Variants in PTPRM observed in about 807,000 individuals in gnomAD.
PTPRM encodes the protein receptor-type tyrosine-protein phosphatase mu.
In PTPRM, 47 loss-of-function variants were observed where a neutral mutation model predicts 186.7. The ratio of observed to expected loss-of-function variants is 0.25; its 90% CI spans 0.20 to 0.32. The LOEUF (loss-of-function observed/expected upper bound fraction) is 0.32. Among genes scored for constraint, PTPRM ranks in the 10% least tolerant of loss-of-function variants. The pLI is 1.00. For synonymous variants in PTPRM, 668 were observed against 674.9 expected (o/e 0.99, Z 0.16); for missense variants, 1,494 against 1,865.0 (o/e 0.80, Z 3.66).
chr18:7,795,541 T>A (rs1221276633), intron 2 of PTPRM, among the ~76,000 whole-genome samples: 1 of 152,010 alleles, frequency 6.6e-6, no homozygotes, highest in Admixed American at 6.5e-5. Context: ...CTCTTTGTTA[T>A]GTCTTTGTTT....
intron 19 of PTPRM, among the ~76,000 whole-genome samples, chr18:8,286,875 T>C (rs2094962428): frequency 6.6e-6 from 1 of 152,088 alleles, no homozygotes; most frequent in Non-Finnish European, 1.5e-5. Flanking sequence ...TGCTGATGGG[T>C]TTTATAAATT....
chr18:7,605,573 G>A lies in PTPRM; in HGVS notation c.73+37682G>A, dbSNP rs796460727. Among the ~76,000 whole-genome samples the A allele has an allele frequency of 5.9e-5, 9 of 152,272 alleles. No homozygotes were observed. In the East Asian group the frequency reaches 9.7e-4, roughly 16 times the overall value. ...GAGCTCGTCTTTTTAAGCTCTTGTC[G>A]TGAATCGAACCAAATCTCTTTGGTT... On this transcript the variant is annotated intron_variant, in intron 1 of 32. Transcript: ENST00000580170.
intron 1 of PTPRM, among the ~76,000 whole-genome samples, chr18:7,592,765 C>T (rs1598477398): frequency 6.6e-6 from 1 of 152,186 alleles, no homozygotes; most frequent in East Asian, 1.9e-4. Context: ...GAAAGAGCAA[C>T]ATTCCCAGGG....
chr18:7,630,076 G>A (rs1053419900), intron 1 of PTPRM, among the ~76,000 whole-genome samples: 2 of 152,102 alleles, frequency 1.3e-5, no homozygotes, highest in Non-Finnish European at 2.9e-5. Flanking sequence ...TGTTTTGAAC[G>A]AATGGAAATT....
chr18:8,268,547 G>A (rs1260621094), intron 19 of PTPRM, among the ~76,000 whole-genome samples: 1 of 152,104 alleles, frequency 6.6e-6, no homozygotes, highest in East Asian at 1.9e-4. Flanking sequence ...CAAAAAAGTT[G>A]AAGATGAGAA....
chr18:8,394,747 T>G, intron 32 of PTPRM, 136 bp downstream of exon 32: 1 of 961,256 alleles, frequency 1.0e-6, no homozygotes, highest in Non-Finnish European at 1.4e-6. Flanking sequence ...TCACTTTGCT[T>G]GTAGGGCTTT....
At chr18:8,036,531 A>G (rs1277777832) in intron 7 of PTPRM, among the ~76,000 whole-genome samples, 2 of 152,210 alleles carry the variant, frequency 1.3e-5, no homozygotes, top group African/African-American at 2.4e-5. Context: ...TGGTAAATTG[A>G]TAGTACTTTG....
At chr18:8,350,985 T>C (rs1194096872) in intron 23 of PTPRM, among the ~76,000 whole-genome samples, 1 of 152,220 alleles carries the variant, frequency 6.6e-6, no homozygotes, top group African/African-American at 2.4e-5. Context: ...GTGTGGTTAT[T>C]GTGACTGAGA....
intron 20 of PTPRM, among the ~76,000 whole-genome samples, chr18:8,307,787 A>C (rs1418652725): frequency 6.6e-6 from 1 of 151,428 alleles, no homozygotes; most frequent in East Asian, 1.9e-4. Flanking sequence ...CTGGGCAACA[A>C]GAGTGAAACT....
At chr18:7,950,918 G>A (rs2147073793) in intron 6 of PTPRM, among the ~76,000 whole-genome samples, 1 of 152,348 alleles carries the variant, frequency 6.6e-6, no homozygotes, top group South Asian at 2.1e-4. Flanking sequence ...CATATGCTCT[G>A]TTGTGAGATC....
At chr18:8,064,404 G>T (rs2088889432) in intron 7 of PTPRM, among the ~76,000 whole-genome samples, 1 of 151,150 alleles carries the variant, frequency 6.6e-6, no homozygotes, top group African/African-American at 2.4e-5. Context: ...TCTTAAACGA[G>T]TACTGTTTTT....
intron 1 of PTPRM, among the ~76,000 whole-genome samples, chr18:7,698,760 G>A (rs182266520): frequency 1.1e-4 from 16 of 152,220 alleles, no homozygotes; most frequent in African/African-American, 3.9e-4. Flanking sequence ...ACTAACACTT[G>A]GTCTGTCATT....
chr18:7,860,828 A>G (rs1168791035), intron 2 of PTPRM, among the ~76,000 whole-genome samples: 1 of 151,918 alleles, frequency 6.6e-6, no homozygotes, highest in Non-Finnish European at 1.5e-5. Context: ...CCCACTCCCT[A>G]CTCTGTCTCA....
Position 7,906,553 on chromosome 18 carries a change from G to A in PTPRM, c.517G>A (p.Asp173Asn), listed in dbSNP as rs781449581. The A allele has an allele frequency of 3.1e-6, 5 of 1,613,538 alleles. No homozygotes were observed. Among genetic ancestry groups the A allele is most frequent in the Middle Eastern group, 3.3e-4 (2 of 6,058 alleles). ...TSGHQGYLAIDEVKVLGHPCT... is the reference protein window; with the variant it reads ...TSGHQGYLAINEVKVLGHPCT... ...TGGACATCAAGGCTATCTCGCTATC[G>A]ATGAGGTGAAGGTGTTAGGACATCC... is the stretch of plus-strand genomic sequence containing the variant. The change falls in exon 4 of 33, where the codon GAT becomes AAT. Residue 173 changes from aspartate to asparagine, a missense_variant. This residue lies in a region of PTPRM where 296 missense variants were observed against 345.5 expected (regional missense o/e 0.86). Coordinates refer to ENST00000580170, the MANE Select transcript of PTPRM (RefSeq NM_001105244.2).
chr18:7,588,599 A>G (rs1220129447), intron 1 of PTPRM, among the ~76,000 whole-genome samples: 1 of 152,210 alleles, frequency 6.6e-6, no homozygotes, highest in African/African-American at 2.4e-5. Context: ...GGTTGTTTGA[A>G]GATTCTTTTC....
In PTPRM at chr18:7,585,635, C is replaced by A. The variant is rs7241726; in HGVS notation, c.73+17744C>A. Among the ~76,000 whole-genome samples the A allele has an allele frequency of 3.7e-3, 566 of 152,014 alleles. 4 individuals are homozygous for A. Among genetic ancestry groups the A allele is most frequent in the African/African-American group, 0.013 (530 of 41,482 alleles). On this transcript the variant is annotated intron_variant, in intron 1 of 32. Transcript: ENST00000580170. ...TTCTCTCTTTTTTTTTCCTCTTCTTCTTTTCCCTCATCTATCTCCCTCTCA... is the reference window on the plus strand; with the variant it reads ...TTCTCTCTTTTTTTTTCCTCTTCTTATTTTCCCTCATCTATCTCCCTCTCA...
intron 14 of PTPRM, among the ~76,000 whole-genome samples, chr18:8,222,956 C>T (rs1029609198): frequency 5.9e-5 from 9 of 152,274 alleles, no homozygotes; most frequent in South Asian, 2.1e-4. Flanking sequence ...AGTGTGGTGG[C>T]TCACACCTAT....
chr18:7,852,275 A>T (rs1380004293), intron 2 of PTPRM, among the ~76,000 whole-genome samples: 1 of 152,128 alleles, frequency 6.6e-6, no homozygotes, highest in African/African-American at 2.4e-5. Context: ...TATAGAAAGG[A>T]TGCAATAAAA....
At chr18:7,724,629 G>A (rs1271325742) in intron 1 of PTPRM, among the ~76,000 whole-genome samples, 1 of 152,132 alleles carries the variant, frequency 6.6e-6, no homozygotes, top group African/African-American at 2.4e-5. Context: ...ACCCCAATAT[G>A]GGTACATAAA....
Sources: gnomAD v4.1 joint callset for allele counts (sites outside exome capture counted in the v4.1 genomes callset) on GRCh38, gnomAD v4.1.1 for gene constraint, gnomAD v4.1.1 regional missense constraint, MANE v1.5 for transcripts, NCBI Gene and HGNC (gene_info 2026-07-23, HGNC 2026-07-21) for gene names.